Variants in PRRC2B observed in about 807,000 individuals in gnomAD.
PRRC2B encodes the protein proline rich coiled-coil 2B, also known as protein PRRC2B.
PRRC2B carries 68 observed loss-of-function variants against 242.3 expected under a neutral mutation model. The ratio of observed to expected loss-of-function variants is 0.28; its 90% CI spans 0.23 to 0.34. PRRC2B has a LOEUF of 0.34. PRRC2B is among the 10% of genes least tolerant of loss of function. The pLI, the probability that PRRC2B is intolerant of heterozygous loss-of-function variation, is 1.00. For missense variants in PRRC2B, 2,835 were observed against 2,954.8 expected (o/e 0.96, Z 0.94); for synonymous variants, 1,228 against 1,173.6 (o/e 1.05, Z -0.95).
At chr9:131,435,261 G>A (rs985885278) in intron 3 of PRRC2B, among the ~76,000 whole-genome samples, 1 of 150,332 alleles carries the variant, frequency 6.7e-6, no homozygotes, top group African/African-American at 2.5e-5. Context: ...TCATGCCACT[G>A]CACTTTAGCC....
At chr9:131,478,769 C>T in intron 18 of PRRC2B, 150 bp downstream of exon 18, 1 of 613,232 alleles carries the variant, frequency 1.6e-6, no homozygotes, top group Non-Finnish European at 2.9e-6. Flanking sequence ...CATTGTCTCC[C>T]CGTTCCTGCT....
intron 16 of PRRC2B, among the ~76,000 whole-genome samples, chr9:131,476,834 C>T (rs916321111): frequency 5.3e-5 from 8 of 151,930 alleles, no homozygotes; most frequent in South Asian, 2.1e-4. Context: ...GCCGCTGCAG[C>T]GAGGAACGTT....
At chr9:131,484,650 G>A (rs759286164) in intron 23 of PRRC2B, 36 bp from the exon 24 acceptor site, 1 of 1,544,552 alleles carries the variant, frequency 6.5e-7, no homozygotes, top group East Asian at 2.3e-5. Context: ...CTCTGCACCT[G>A]TTTGTGTTCC....
chr9:131,420,504 T>TCTTTTC, intron 1 of PRRC2B, among the ~76,000 whole-genome samples: 1 of 104,098 alleles, frequency 9.6e-6, no homozygotes, highest in South Asian at 3.1e-4. Context: ...TTTTTTTTTT[T>TCTTTTC]TTTTTTGAGA....
intron 9 of PRRC2B, among the ~76,000 whole-genome samples, chr9:131,451,735 C>T (rs1942926434): frequency 1.3e-5 from 2 of 151,912 alleles, no homozygotes; most frequent in South Asian, 4.2e-4. Context: ...GGATGTGTTG[C>T]CTTCTGTGTC....
At chr9:131,414,878 G>A (rs188860376) in intron 1 of PRRC2B, among the ~76,000 whole-genome samples, 5 of 151,488 alleles carry the variant, frequency 3.3e-5, no homozygotes, top group Admixed American at 1.3e-4. Flanking sequence ...CTGCTATCTC[G>A]GGCTTCTGTT....
At chr9:131,467,862 T>G in intron 13 of PRRC2B, 109 bp downstream of exon 13, 1 of 1,136,658 alleles carries the variant, frequency 8.8e-7, no homozygotes, top group Non-Finnish European at 1.3e-6. Context: ...AAGGCCAGAA[T>G]ATCCCTTATG....
At position 131,482,713 on chromosome 9, in the gene PRRC2B, T is replaced by C. The variant is rs745819944; in HGVS notation, c.5179T>C (p.Ser1727Pro). The change falls in exon 22 of 32, where the codon TCA becomes CCA. Residue 1727 changes from serine (S) to proline (P), a missense_variant. Transcript: ENST00000683519. The surrounding 1 kb of genome is among the most constrained non-coding windows in gnomAD (Gnocchi z 5.2). ...ACCTCTCTGCTTTTTTATCAAGGATTCAGAACAAGGCTCTGGACAGAGCAA... is the reference window on the plus strand; with the variant it reads ...ACCTCTCTGCTTTTTTATCAAGGATCCAGAACAAGGCTCTGGACAGAGCAA... Reference protein sequence around the residue: ...QAPKPSEQKDSEQGSGQSKEH... With the variant: ...QAPKPSEQKDPEQGSGQSKEH... 6 of 1,568,774 alleles carry C rather than the reference T, an allele frequency of 3.8e-6. No individual in the cohort carries two copies. The East Asian group carries it at 9.0e-5, about 24-fold the overall frequency.
At chr9:131,478,649 G>GGGGGGCCCGGGGC in intron 18 of PRRC2B, 30 bp downstream of exon 18, 1 of 504,562 alleles carries the variant, frequency 2.0e-6, no homozygotes. Flanking sequence ...GGGGCATGGG[G>GGGGGGCCCGGGGC]CTGGAGGGCA....
At chr9:131,495,056 G>A (rs1456535396) in intron 31 of PRRC2B, among the ~76,000 whole-genome samples, 1 of 152,212 alleles carries the variant, frequency 6.6e-6, no homozygotes, top group Non-Finnish European at 1.5e-5. Context: ...GAGATGGGAA[G>A]TGATTGCTCT....
chr9:131,373,683 G>C (rs1022440232), exon 1 of PRRC2B: 1 of 152,280 alleles, frequency 6.6e-6, no homozygotes, highest in Non-Finnish European at 1.5e-5. Flanking sequence ...GATTCTGGGC[G>C]TGCGTGAGGG....
At chr9:131,469,809 A>G (rs1460492556) in intron 13 of PRRC2B, among the ~76,000 whole-genome samples, 1 of 152,164 alleles carries the variant, frequency 6.6e-6, no homozygotes, top group Non-Finnish European at 1.5e-5. Flanking sequence ...TTGAATAGTT[A>G]CTGATAATTT....
chr9:131,455,510 CTTTTTTTTTTTT>C (rs148974781), intron 10 of PRRC2B, among the ~76,000 whole-genome samples: 3 of 86,992 alleles, frequency 3.4e-5, no homozygotes, highest in African/African-American at 1.3e-4. Context: ...GGTTCAACTT[CTTTTTTTTTTTT>C]TTTTTTTTTT....
chr9:131,493,029 A>C (rs1944239366), intron 30 of PRRC2B, among the ~76,000 whole-genome samples: 1 of 152,148 alleles, frequency 6.6e-6, no homozygotes, highest in African/African-American at 2.4e-5. Context: ...ATCGCTGCAG[A>C]CGCCATGAGG....
intron 10 of PRRC2B, among the ~76,000 whole-genome samples, chr9:131,458,196 C>G (rs916720833): frequency 6.6e-6 from 1 of 151,956 alleles, no homozygotes; most frequent in Non-Finnish European, 1.5e-5. Context: ...ATCTTTTGTT[C>G]TTTTGAGGGG....
At chr9:131,432,281 C>T (rs973855412) in intron 2 of PRRC2B, among the ~76,000 whole-genome samples, 15 of 152,276 alleles carry the variant, frequency 9.9e-5, no homozygotes, top group Non-Finnish European at 1.8e-4. Flanking sequence ...TCTCAACTTG[C>T]AGAGAGGTGG....
At chr9:131,444,443 C>T (rs532009510) in intron 6 of PRRC2B, 115 bp downstream of exon 6, 12 of 1,166,558 alleles carry the variant, frequency 1.0e-5, no homozygotes, top group African/African-American at 4.0e-5. Flanking sequence ...GAGCTGGAAA[C>T]GTGGCTCTTT....
intron 1 of PRRC2B, among the ~76,000 whole-genome samples, chr9:131,421,034 C>G (rs566889441): frequency 5.3e-5 from 8 of 152,310 alleles, no homozygotes; most frequent in Middle Eastern, 3.4e-3. Context: ...GTAAATATGG[C>G]TATTCTCTTT....
chr9:131,401,359 G>A (rs770834098), intron 1 of PRRC2B, among the ~76,000 whole-genome samples: 1 of 150,820 alleles, frequency 6.6e-6, no homozygotes, highest in Admixed American at 6.6e-5. Flanking sequence ...CAGTGGCGGC[G>A]GCCACCATTC....
Sources: allele counts gnomAD v4.1 joint callset (sites outside exome capture counted in the v4.1 genomes callset), GRCh38; gene constraint gnomAD v4.1.1; non-coding constraint Gnocchi (gnomAD v3.1); transcripts MANE v1.5; gene names NCBI Gene and HGNC (gene_info 2026-07-23, HGNC 2026-07-21).